The following SARNP variants were observed in gnomAD, a reference collection of about 807,000 sequenced individuals.
The protein encoded by SARNP is SAP domain-containing ribonucleoprotein.
SARNP carries 5 observed loss-of-function variants against 38.1 expected under a neutral mutation model. The ratio of observed to expected loss-of-function variants is 0.13; its 90% CI spans 0.07 to 0.28. The LOEUF (loss-of-function observed/expected upper bound fraction) is 0.28. SARNP is among the 10% of genes least tolerant of loss of function. SARNP has a pLI of 1.00. For missense variants in SARNP, 180 were observed against 243.9 expected (o/e 0.74, Z 1.75); for synonymous variants, 84 against 80.6 (o/e 1.04, Z -0.23).
At chr12:55,811,401 T>G (rs1353044063) in intron 1 of SARNP, among the ~76,000 whole-genome samples, 1 of 151,834 alleles carries the variant, frequency 6.6e-6, no homozygotes, top group African/African-American at 2.4e-5. Flanking sequence ...CTACAGAAAA[T>G]TAAAAAATTA....
intron 9 of SARNP, among the ~76,000 whole-genome samples, chr12:55,781,267 C>T (rs1392566340): frequency 6.6e-6 from 1 of 152,116 alleles, no homozygotes; most frequent in Non-Finnish European, 1.5e-5. Flanking sequence ...AAGTGACAAG[C>T]TCCTCAAAAA....
chr12:55,792,183 A>T (rs79487633), intron 7 of SARNP, among the ~76,000 whole-genome samples: 3,112 of 151,000 alleles, frequency 0.021, 47 homozygotes, highest in Middle Eastern at 0.054. Flanking sequence ...CAGAAAAAAA[A>T]TTTTTTTTTT....
intron 9 of SARNP, among the ~76,000 whole-genome samples, chr12:55,779,268 TCCCCC>T (rs1879273926): frequency 6.6e-6 from 1 of 152,108 alleles, no homozygotes. Context: ...GGGGGGAAAT[TCCCCC>T]AAAAGCTCTT....
At chr12:55,774,566 A>C (rs1195067789) in intron 9 of SARNP, among the ~76,000 whole-genome samples, 1 of 80,752 alleles carries the variant, frequency 1.2e-5, no homozygotes, top group African/African-American at 7.1e-5. Flanking sequence ...ACTGAAAAAA[A>C]AAAAAAAACA....
intron 9 of SARNP, among the ~76,000 whole-genome samples, chr12:55,779,001 A>G (rs1291964385): frequency 6.6e-6 from 1 of 152,074 alleles, no homozygotes. Context: ...AAAACAAAAC[A>G]AAACAAAACA....
intron 2 of SARNP, among the ~76,000 whole-genome samples, chr12:55,802,944 T>C (rs945383210): frequency 2.1e-5 from 3 of 140,598 alleles, no homozygotes; most frequent in African/African-American, 7.9e-5. Flanking sequence ...AAAAACACAA[T>C]ACTTAGTGAA....
At chr12:55,776,757 G>A (rs2136187377) in intron 9 of SARNP, among the ~76,000 whole-genome samples, 1 of 152,202 alleles carries the variant, frequency 6.6e-6, no homozygotes, top group South Asian at 2.1e-4. Context: ...ATATACAACT[G>A]GATATAATGT....
chr12:55,801,374 C>T (rs1252684683), intron 2 of SARNP, among the ~76,000 whole-genome samples: 1 of 152,088 alleles, frequency 6.6e-6, no homozygotes, highest in Admixed American at 6.5e-5. Context: ...ACCCAGAAGG[C>T]AGAGGCTGCA....
At chr12:55,789,034 C>T in intron 9 of SARNP, 41 bp downstream of exon 9, 1 of 1,374,620 alleles carries the variant, frequency 7.3e-7, no homozygotes, top group South Asian at 1.2e-5. Flanking sequence ...ATAAGCTGCT[C>T]TAATGTCACA....
At chr12:55,805,783 A>G (rs1880120086) in intron 1 of SARNP, among the ~76,000 whole-genome samples, 1 of 152,228 alleles carries the variant, frequency 6.6e-6, no homozygotes, top group Non-Finnish European at 1.5e-5. Context: ...TGGGAGGCGG[A>G]GGTTGCAGTG....
chr12:55,754,894 C>T (rs1337296039), downstream of SARNP: 1 of 152,148 alleles, frequency 6.6e-6, no homozygotes, highest in Non-Finnish European at 1.5e-5. Context: ...ATATTACATT[C>T]TAATCTATCC....
chr12:55,767,795 C>T (rs1216554015), intron 9 of SARNP, among the ~76,000 whole-genome samples: 4 of 144,524 alleles, frequency 2.8e-5, no homozygotes, highest in Non-Finnish European at 4.5e-5. Flanking sequence ...TGCAGTGAGC[C>T]GAGATCGCGC....
chr12:55,780,196 T>C (rs1484263620), intron 9 of SARNP, among the ~76,000 whole-genome samples: 3 of 151,988 alleles, frequency 2.0e-5, no homozygotes, highest in Non-Finnish European at 4.4e-5. Context: ...CTCATGCCTG[T>C]AATCTCAGCA....
chr12:55,794,213 T>G, intron 7 of SARNP, 146 bp downstream of exon 7: 1 of 740,138 alleles, frequency 1.4e-6, no homozygotes, highest in Non-Finnish European at 2.3e-6. Flanking sequence ...AGTATAATTT[T>G]ACCTAAAGCA....
At chr12:55,781,970 C>T (rs979402337) in intron 9 of SARNP, among the ~76,000 whole-genome samples, 1 of 152,150 alleles carries the variant, frequency 6.6e-6, no homozygotes, top group Non-Finnish European at 1.5e-5. Context: ...AGTACTGGAG[C>T]TAGGATTACA....
At chr12:55,780,535 T>A (rs1879314243) in intron 9 of SARNP, among the ~76,000 whole-genome samples, 2 of 152,120 alleles carry the variant, frequency 1.3e-5, no homozygotes, top group Admixed American at 1.3e-4. Context: ...CTGGGCATAG[T>A]GGCACATGCC....
intron 9 of SARNP, among the ~76,000 whole-genome samples, chr12:55,774,073 T>A (rs760419573): frequency 1.5e-4 from 23 of 151,792 alleles, no homozygotes; most frequent in Non-Finnish European, 2.4e-4. Flanking sequence ...GGCACAACCA[T>A]AGCTCGCTGC....
At chr12:55,794,928 T>A in intron 5 of SARNP, 48 bp from the exon 6 acceptor site, 1 of 825,312 alleles carries the variant, frequency 1.2e-6, no homozygotes, top group Non-Finnish European at 1.9e-6. Flanking sequence ...ATTTATGGTT[T>A]AAGAAAGTCA....
At chr12:55,783,109 T>TA (rs1186058394) in intron 9 of SARNP, among the ~76,000 whole-genome samples, 3 of 151,810 alleles carry the variant, frequency 2.0e-5, no homozygotes, top group Non-Finnish European at 4.4e-5. Flanking sequence ...GACCCTGTCT[T>TA]AAAAAAATAA....
Sources: gnomAD v4.1 joint callset for allele counts (sites outside exome capture counted in the v4.1 genomes callset) on GRCh38, gnomAD v4.1.1 for gene constraint, MANE v1.5 for transcripts, NCBI Gene and HGNC (gene_info 2026-07-23, HGNC 2026-07-21) for gene names.